ADCY3: variants seen among roughly 807,000 people sequenced by gnomAD.
The protein encoded by ADCY3 is adenylate cyclase type 3.
A neutral mutation model predicts 119.4 loss-of-function variants in ADCY3; 70 were observed. The observed-to-expected ratio is 0.59, with a 90% CI of 0.48 to 0.72. The LOEUF (loss-of-function observed/expected upper bound fraction) is 0.72, where lower values mean the gene tolerates loss of function less well. Among genes scored for constraint, ADCY3 ranks in the 30% least tolerant of loss-of-function variants. The pLI, the probability that ADCY3 is intolerant of heterozygous loss-of-function variation, is 0.00. For missense variants in ADCY3, 1,238 were observed against 1,541.6 expected, an observed-to-expected ratio of 0.80 and a Z score of 3.30; for synonymous variants, 672 against 621.4, an observed-to-expected ratio of 1.08 and a Z score of -1.21.
chr2:24,855,037 G>A (rs1040284430), intron 3 of ADCY3, among the ~76,000 whole-genome samples: 8 of 152,260 alleles, frequency 5.3e-5, no homozygotes, highest in South Asian at 2.1e-4. Flanking sequence ...GTGACAGAGC[G>A]AGCCTCCATC....
At chr2:24,821,782 G>T (rs771782940) in intron 19 of ADCY3, 142 bp from the exon 20 acceptor site, 13 of 1,255,336 alleles carry the variant, frequency 1.0e-5, no homozygotes, top group Non-Finnish European at 1.4e-5. Context: ...CAAAGGAGTC[G>T]CAGCCACGCT....
At position 24,829,584 on chromosome 2, in the gene ADCY3, C is replaced by A. The variant is rs530991764; in HGVS notation, c.2172+1125G>T. 1.3e-4 allele frequency among the ~76,000 whole-genome samples: 20 copies of A among 151,460 alleles called. 1 individual carries two copies. The East Asian group carries it at 1.6e-3, about 12-fold the overall frequency. On this transcript the variant is annotated intron_variant, in intron 13 of 21. Coordinates refer to ENST00000679454, the MANE Select transcript of ADCY3 (RefSeq NM_004036.5). Reference sequence around the variant, plus strand: ...TACAGGCGCCTGCCACCACGCCCGGCTAATTTTTTTGTATTTTTAGTAGAG... The same window carrying A: ...TACAGGCGCCTGCCACCACGCCCGGATAATTTTTTTGTATTTTTAGTAGAG...
At chr2:24,828,982 C>A (rs1319430360) in intron 13 of ADCY3, among the ~76,000 whole-genome samples, 1 of 152,012 alleles carries the variant, frequency 6.6e-6, no homozygotes, top group Non-Finnish European at 1.5e-5. Context: ...GGCTCTGGAG[C>A]CCCTAACTCC....
intron 11 of ADCY3, among the ~76,000 whole-genome samples, chr2:24,833,595 G>A (rs1287159364): frequency 3.3e-5 from 5 of 152,176 alleles, no homozygotes; most frequent in Non-Finnish European, 7.3e-5. Context: ...AATTGCTTTT[G>A]CCTGTAGCTT....
In ADCY3 at chr2:24,914,722, T is replaced by C. The variant is rs574311160; in HGVS notation, c.675+3591A>G. On this transcript the variant is annotated intron_variant, in intron 2 of 21. Coordinates refer to ENST00000679454, the MANE Select transcript of ADCY3 (RefSeq NM_004036.5). Reference sequence around the variant, plus strand: ...TGGGGGACAGGCAGGGGCTAGAGGATGGGTCGTGAGAACCATTGGCTAGGT... The same window carrying C: ...TGGGGGACAGGCAGGGGCTAGAGGACGGGTCGTGAGAACCATTGGCTAGGT... Among the ~76,000 whole-genome samples, 40 of 150,202 alleles carry C rather than the reference T, an allele frequency of 2.7e-4. No homozygotes were observed. In the South Asian group the frequency reaches 7.8e-3, roughly 29 times the overall value.
intron 2 of ADCY3, among the ~76,000 whole-genome samples, chr2:24,906,647 C>T (rs973315169): frequency 6.6e-6 from 1 of 152,226 alleles, no homozygotes; most frequent in African/African-American, 2.4e-5. Flanking sequence ...CCATGCCATG[C>T]GCTTTGCTCA....
In ADCY3 at chr2:24,899,599, G is replaced by T. The variant is rs577042260; in HGVS notation, c.675+18714C>A. ...TGGCTGTGGCTCAAGGAGGCCACCA[G>T]TGTGGACCTCGAGTGGCACCACCCA... On this transcript the variant is annotated intron_variant, in intron 2 of 21. Coordinates refer to ENST00000679454, the MANE Select transcript of ADCY3 (RefSeq NM_004036.5). This position sits in a 1 kb window ranked among gnomAD's most constrained non-coding sequence, Gnocchi z 4.5. 2.4e-4 allele frequency among the ~76,000 whole-genome samples: 37 copies of T among 152,352 alleles called. No individual in the cohort carries two copies. The highest frequency in any genetic ancestry group is 7.7e-4 in the African/African-American group (32 of 41,574).
At chr2:24,856,597 C>T (rs1673029800) in intron 3 of ADCY3, among the ~76,000 whole-genome samples, 1 of 152,226 alleles carries the variant, frequency 6.6e-6, no homozygotes, top group African/African-American at 2.4e-5. Context: ...GCCCAAACAG[C>T]TCACCTCTCC....
At position 24,878,822 on chromosome 2, in the gene ADCY3, C is replaced by T. The variant is rs957565142; in HGVS notation, c.676-6103G>A. ...TTAAGTCCCTATGAAATGTCCCTAC[C>T]CCTCAGAGGCCTTCCCTGCCCACCC... is the stretch of plus-strand genomic sequence containing the variant. On this transcript the variant is annotated intron_variant, in intron 2 of 21. Coordinates refer to ENST00000679454, the MANE Select transcript of ADCY3 (RefSeq NM_004036.5). This position sits in a 1 kb window ranked among gnomAD's most constrained non-coding sequence, Gnocchi z 4.0. Among the ~76,000 whole-genome samples the T allele has an allele frequency of 2.0e-5, 3 of 152,168 alleles. No individual in the cohort carries two copies. Among genetic ancestry groups the T allele is most frequent in the African/African-American group, 7.2e-5 (3 of 41,430 alleles).
At chr2:24,853,269 C>A (rs1672598695) in intron 3 of ADCY3, among the ~76,000 whole-genome samples, 1 of 152,058 alleles carries the variant, frequency 6.6e-6, no homozygotes, top group Non-Finnish European at 1.5e-5. Flanking sequence ...GGCGACCTTG[C>A]CCCCTTCCCA....
chr2:24,909,637 C>T (rs2149042411), intron 2 of ADCY3, among the ~76,000 whole-genome samples: 1 of 152,288 alleles, frequency 6.6e-6, no homozygotes, highest in Middle Eastern at 3.4e-3. Context: ...AGAATCAATA[C>T]CTTAATGGAG....
chr2:24,822,823 A>G (rs919992695), intron 18 of ADCY3, among the ~76,000 whole-genome samples, 193 bp from the exon 19 acceptor site: 1 of 152,190 alleles, frequency 6.6e-6, no homozygotes, highest in African/African-American at 2.4e-5. Context: ...GCCTGTTTCC[A>G]CAACCTCAAC....
intron 2 of ADCY3, among the ~76,000 whole-genome samples, chr2:24,915,260 G>C (rs1664309753): frequency 6.6e-6 from 1 of 152,250 alleles, no homozygotes; most frequent in Non-Finnish European, 1.5e-5. Context: ...AGCCGACAGG[G>C]GATGGGAGAG....
At chr2:24,911,637 CAAAAAAAAAAAAAAA>C (rs60134317) in intron 2 of ADCY3, among the ~76,000 whole-genome samples, 2 of 106,160 alleles carry the variant, frequency 1.9e-5, no homozygotes, top group African/African-American at 6.4e-5. Flanking sequence ...GAGACAGACT[CAAAAAAAAAAAAAAA>C]AAAAAACACA....
intron 3 of ADCY3, among the ~76,000 whole-genome samples, chr2:24,864,062 G>A (rs1054125486): frequency 1.3e-5 from 2 of 152,158 alleles, no homozygotes; most frequent in Admixed American, 6.5e-5. Flanking sequence ...CAAGGCAGGC[G>A]GATCACCAGA....
chr2:24,904,525 AAAAAG>A (rs1405467586), intron 2 of ADCY3, among the ~76,000 whole-genome samples: 3 of 151,794 alleles, frequency 2.0e-5, no homozygotes, highest in Non-Finnish European at 4.4e-5. Context: ...CATCTCAAAA[AAAAAG>A]AAAAGAAAAG....
At chr2:24,845,736 G>A (rs926735085) in intron 3 of ADCY3, among the ~76,000 whole-genome samples, 6 of 152,352 alleles carry the variant, frequency 3.9e-5, no homozygotes, top group Admixed American at 6.5e-5. Flanking sequence ...CAAGACAATA[G>A]GGAAAATGTC....
At chr2:24,861,434 T>A (rs77575852) in intron 3 of ADCY3, among the ~76,000 whole-genome samples, 10,816 of 152,130 alleles carry the variant, frequency 0.071, 461 homozygotes, top group East Asian at 0.095. Flanking sequence ...TAAGCACACA[T>A]GTAAGTAAGG....
At chr2:24,889,493 T>C (rs1677432258) in intron 2 of ADCY3, among the ~76,000 whole-genome samples, 1 of 152,234 alleles carries the variant, frequency 6.6e-6, no homozygotes. Flanking sequence ...TACATATGCA[T>C]GTTCCATTGT....
Sources: allele counts gnomAD v4.1 joint callset (sites outside exome capture counted in the v4.1 genomes callset), GRCh38; gene constraint gnomAD v4.1.1; non-coding constraint Gnocchi (gnomAD v3.1); transcripts MANE v1.5; gene names NCBI Gene and HGNC (gene_info 2026-07-23, HGNC 2026-07-21).